Variants in WARS2 observed in about 807,000 individuals in gnomAD.
WARS2 encodes the protein tryptophan--tRNA ligase, mitochondrial.
In WARS2, 28 loss-of-function variants were observed where a neutral mutation model predicts 36.5. The ratio of observed to expected loss-of-function variants is 0.77; its 90% CI spans 0.57 to 1.05. WARS2 has a LOEUF of 1.05. WARS2 is among the 50% of genes least tolerant of loss of function. The probability of loss-of-function intolerance (pLI) is 0.00; values close to 1 mark genes in which losing one functional copy is unlikely to be tolerated. For synonymous variants in WARS2, 174 were observed against 178.4 expected (o/e 0.98, Z 0.20); for missense variants, 435 against 456.8 (o/e 0.95, Z 0.44).
intron 1 of WARS2, among the ~76,000 whole-genome samples, chr1:119,083,689 A>T (rs1453088851): frequency 3.9e-5 from 6 of 152,220 alleles, no homozygotes; most frequent in African/African-American, 9.6e-5. Flanking sequence ...AGGGCAGCTA[A>T]TCTATATTTA....
intron 1 of WARS2, among the ~76,000 whole-genome samples, chr1:119,095,275 AGCTACACT>A (rs1450203436): frequency 2.0e-5 from 3 of 152,204 alleles, no homozygotes; most frequent in Non-Finnish European, 2.9e-5. Flanking sequence ...CTAGAGAGAA[AGCTACACT>A]GCTATATATA....
At chr1:119,124,995 A>G (rs1655556043) in intron 1 of WARS2, among the ~76,000 whole-genome samples, 1 of 152,214 alleles carries the variant, frequency 6.6e-6, no homozygotes, top group African/African-American at 2.4e-5. Flanking sequence ...TCTGTTTCAC[A>G]GATTCTCATC....
chr1:119,053,325 G>A lies in WARS2; in HGVS notation c.349-7663C>T, dbSNP rs181635783. Among the ~76,000 whole-genome samples, 1,126 of 152,280 alleles carry A rather than the reference G, an allele frequency of 7.4e-3. 14 individuals are homozygous for A. The highest frequency in any genetic ancestry group is 0.026 in the African/African-American group (1,076 of 41,544). On this transcript the variant is annotated intron_variant, in intron 2 of 5. Coordinates refer to ENST00000235521, the MANE Select transcript of WARS2 (RefSeq NM_015836.4). ...ATGGCAGTGGCGATAGAGACTACGT[G>A]CTGCCTGCAAAGTCTAACATGTTTA...
intron 2 of WARS2, among the ~76,000 whole-genome samples, chr1:119,054,091 A>C (rs1649580893): frequency 6.7e-6 from 1 of 150,000 alleles, no homozygotes; most frequent in Non-Finnish European, 1.5e-5. Flanking sequence ...ACTATTTAAT[A>C]AATTATAATT....
intron 2 of WARS2, among the ~76,000 whole-genome samples, chr1:119,059,071 AT>A (rs1157582189): frequency 6.6e-6 from 1 of 151,146 alleles, no homozygotes; most frequent in Non-Finnish European, 1.5e-5. Flanking sequence ...GATGATGAGC[AT>A]TTTTTCATGT....
intron 1 of WARS2, among the ~76,000 whole-genome samples, chr1:119,116,796 C>T (rs6664959): frequency 0.44 from 66,607 of 152,018 alleles, 15,663 homozygotes; most frequent in East Asian, 0.84. Context: ...GAGAAGGAAA[C>T]GCAGCCAGTG....
At chr1:119,135,788 GTTT>G (rs929023812) in intron 1 of WARS2, among the ~76,000 whole-genome samples, 27 of 151,554 alleles carry the variant, frequency 1.8e-4, no homozygotes, top group Non-Finnish European at 3.5e-4. Flanking sequence ...GGGTTTTGGG[GTTT>G]TTTTGTTTGT....
intron 2 of WARS2, among the ~76,000 whole-genome samples, chr1:119,061,381 G>T (rs1397974699): frequency 6.6e-6 from 1 of 151,954 alleles, no homozygotes; most frequent in East Asian, 1.9e-4. Flanking sequence ...AATAAAAAAG[G>T]GCCAATAAAG....
At chr1:119,059,851 T>C (rs1182271370) in intron 2 of WARS2, among the ~76,000 whole-genome samples, 1 of 152,196 alleles carries the variant, frequency 6.6e-6, no homozygotes, top group African/African-American at 2.4e-5. Context: ...AGCCAAATGC[T>C]GCACGTTCTT....
intron 1 of WARS2, among the ~76,000 whole-genome samples, chr1:119,138,708 C>T (rs1470933431): frequency 2.0e-5 from 3 of 151,944 alleles, no homozygotes; most frequent in African/African-American, 7.2e-5. Context: ...TCTTTCAAAC[C>T]ATCATTTTCA....
At chr1:119,066,133 A>C (rs796113957) in intron 2 of WARS2, among the ~76,000 whole-genome samples, 13 of 152,284 alleles carry the variant, frequency 8.5e-5, no homozygotes, top group African/African-American at 3.1e-4. Context: ...TATTAAAAAA[A>C]AACAAAAAAC....
At chr1:119,102,906 C>T (rs1372773529) in intron 1 of WARS2, among the ~76,000 whole-genome samples, 1 of 152,194 alleles carries the variant, frequency 6.6e-6, no homozygotes, top group East Asian at 1.9e-4. Flanking sequence ...AAACACTCCC[C>T]TCTCACTTTC....
intron 2 of WARS2, among the ~76,000 whole-genome samples, chr1:119,056,186 A>ATTTTTTTTTTTTTTTTTTTTT (rs751264352): frequency 8.6e-6 from 1 of 116,174 alleles, no homozygotes; most frequent in Non-Finnish European, 1.7e-5. Context: ...TGCCTGGCTA[A>ATTTTTTTTTTTTTTTTTTTTT]TTTTTTTTTT....
At chr1:119,077,519 A>G (rs927057999) in intron 1 of WARS2, among the ~76,000 whole-genome samples, 2 of 152,186 alleles carry the variant, frequency 1.3e-5, no homozygotes, top group African/African-American at 4.8e-5. Flanking sequence ...CTTGGGCTAG[A>G]AATTAGAAAA....
intron 1 of WARS2, chr1:119,085,315 G>T: frequency 8.1e-7 from 1 of 1,233,216 alleles, no homozygotes; most frequent in Non-Finnish European, 1.2e-6. Context: ...CCCTCCCTGG[G>T]CACTGACTTC....
rs1247770755 is a variant in WARS2, at chr1:119,058,304, TTTC to T, written c.349-12645_349-12643del. On this transcript the variant is annotated intron_variant, in intron 2 of 5. Transcript: ENST00000235521. ...TGTGGGTCTACTTCTTGATTCCCTA[TTTC>T]TTTTTTTTTTTTTTTATACTTTAAG... is the stretch of plus-strand genomic sequence containing the variant. Among the ~76,000 whole-genome samples, 3 of 38,994 alleles carry T rather than the reference TTTC, an allele frequency of 7.7e-5. No homozygotes were observed. The East Asian group carries it at 4.2e-3, about 54-fold the overall frequency. 25.6% of individuals were successfully genotyped at this position (38,994 alleles called of 152,430 possible). A position where few individuals can be genotyped will look rare whatever the true frequency, so the allele number is the denominator to read the frequency against.
chr1:119,112,970 GA>G (rs1330170564), intron 1 of WARS2, among the ~76,000 whole-genome samples: 1 of 152,144 alleles, frequency 6.6e-6, no homozygotes, highest in Non-Finnish European at 1.5e-5. Context: ...TGACCGTAAG[GA>G]ATAGGGTGAC....
chr1:119,124,610 C>T (rs1655533386), intron 1 of WARS2, among the ~76,000 whole-genome samples: 2 of 152,138 alleles, frequency 1.3e-5, no homozygotes, highest in Non-Finnish European at 2.9e-5. Context: ...GTAGTCCAAG[C>T]CACCATCATC....
intron 2 of WARS2, among the ~76,000 whole-genome samples, chr1:119,055,863 T>A (rs955808008): frequency 6.6e-6 from 1 of 151,918 alleles, no homozygotes; most frequent in Non-Finnish European, 1.5e-5. Context: ...GAAAAGCAGT[T>A]GATAAAAGAA....
Sources: allele counts gnomAD v4.1 joint callset (sites outside exome capture counted in the v4.1 genomes callset), GRCh38; gene constraint gnomAD v4.1.1; transcripts MANE v1.5; gene names NCBI Gene and HGNC (gene_info 2026-07-23, HGNC 2026-07-21).